ARMC3: variants seen among roughly 807,000 people sequenced by gnomAD.
ARMC3 encodes the protein armadillo repeat containing 3, also known as armadillo repeat-containing protein 3.
ARMC3 carries 74 observed loss-of-function variants against 90.3 expected under a neutral mutation model. That is an observed-to-expected ratio of 0.82 (90% CI 0.68 to 0.99). ARMC3 has a LOEUF of 0.99. Among genes scored for constraint, ARMC3 ranks in the 50% least tolerant of loss-of-function variants. ARMC3 has a pLI of 0.00. For missense variants in ARMC3, 958 were observed against 1,042.8 expected (o/e 0.92, Z 1.12); for synonymous variants, 334 against 361.8 (o/e 0.92, Z 0.87).
intron 2 of ARMC3, among the ~76,000 whole-genome samples, chr10:22,932,951 CGTT>C (rs1318424369): frequency 3.3e-5 from 5 of 152,316 alleles, no homozygotes; most frequent in African/African-American, 1.2e-4. Flanking sequence ...AACTCGTTCC[CGTT>C]GTTGTATGAA....
chr10:22,989,836 A>T (rs562887086), intron 10 of ARMC3, among the ~76,000 whole-genome samples: 2 of 152,318 alleles, frequency 1.3e-5, no homozygotes, highest in East Asian at 3.9e-4. Context: ...CATTGGTTAT[A>T]CTGGATTGGA....
chr10:22,947,459 T>C (rs2131193715), intron 3 of ARMC3, among the ~76,000 whole-genome samples: 1 of 152,352 alleles, frequency 6.6e-6, no homozygotes, highest in African/African-American at 2.4e-5. Context: ...CCCAGTTTAA[T>C]AATGATTTTT....
At chr10:22,984,910 T>C (rs1449832800) in intron 10 of ARMC3, among the ~76,000 whole-genome samples, 2 of 152,070 alleles carry the variant, frequency 1.3e-5, no homozygotes, top group Admixed American at 1.3e-4. Flanking sequence ...TGTCACTTTA[T>C]TGCCCAGGCT....
Position 22,968,483 on chromosome 10 carries a change from T to C in ARMC3, c.910T>C (p.Tyr304His), listed in dbSNP as rs1564360848. The C allele has an allele frequency of 1.9e-6, 3 of 1,574,856 alleles. No homozygotes were observed. The highest frequency in any genetic ancestry group is 8.6e-7 in the Non-Finnish European group (1 of 1,164,922). The change falls in exon 8 of 19, where the codon TAT becomes CAT. Residue 304 changes from tyrosine to histidine, a missense_variant. Tyr to His is a moderately conservative substitution (Grantham distance 83). Transcript: ENST00000298032. ...NAAKAITKAAYDPENRKLFHE... is the reference protein window; with the variant it reads ...NAAKAITKAAHDPENRKLFHE... ...AGCAAAAGCCATTACTAAAGCAGCT[T>C]ATGATCGTATGTCTCATTTTATTTT...
chr10:22,970,618 C>G (rs1835640379), intron 8 of ARMC3, among the ~76,000 whole-genome samples: 1 of 152,194 alleles, frequency 6.6e-6, no homozygotes. Context: ...CTGTAGTAAT[C>G]TAGGTGAGAT....
At chr10:22,935,985 T>C (rs1167201883) in intron 2 of ARMC3, among the ~76,000 whole-genome samples, 1 of 152,148 alleles carries the variant, frequency 6.6e-6, no homozygotes, top group Admixed American at 6.5e-5. Flanking sequence ...CATATTGAAA[T>C]AGAAATTGTG....
intron 16 of ARMC3, chr10:23,014,212 T>A: frequency 6.5e-7 from 1 of 1,538,106 alleles, no homozygotes; most frequent in Non-Finnish European, 8.8e-7. Context: ...CTTGGTCTTC[T>A]GAATTGTAAA....
intron 16 of ARMC3, among the ~76,000 whole-genome samples, chr10:23,013,522 T>A (rs1838120870): frequency 6.6e-6 from 1 of 152,250 alleles, no homozygotes; most frequent in Non-Finnish European, 1.5e-5. Context: ...ACATGATGTT[T>A]TGATATCTGT....
chr10:22,930,997 G>A (rs944997809), intron 1 of ARMC3, among the ~76,000 whole-genome samples: 1 of 151,706 alleles, frequency 6.6e-6, no homozygotes, highest in African/African-American at 2.4e-5. Flanking sequence ...GTGCGATCTC[G>A]GCTCACTGCA....
At chr10:22,969,475 T>A (rs1835587598) in intron 8 of ARMC3, among the ~76,000 whole-genome samples, 1 of 152,184 alleles carries the variant, frequency 6.6e-6, no homozygotes, top group South Asian at 2.1e-4. Flanking sequence ...AAACACTCCA[T>A]TTTCAGCACA....
At position 22,928,739 on chromosome 10, in the gene ARMC3, A is replaced by G. The variant is rs187886340; in HGVS notation, c.-2+633A>G. 1.7e-3 allele frequency among the ~76,000 whole-genome samples: 264 copies of G among 151,694 alleles called. 1 individual carries two copies. The highest frequency in any genetic ancestry group is 2.8e-3 in the Non-Finnish European group (192 of 68,040). On this transcript the variant is annotated intron_variant, in intron 1 of 18. Coordinates refer to ENST00000298032, the MANE Select transcript of ARMC3 (RefSeq NM_173081.5). ...AAATTTCAACAATCAGAGACTGGCT[A>G]GATAGCTAAGGGATTTTAAAATATT... is the stretch of plus-strand genomic sequence containing the variant.
At chr10:22,970,463 A>G (rs2131298678) in intron 8 of ARMC3, among the ~76,000 whole-genome samples, 1 of 152,306 alleles carries the variant, frequency 6.6e-6, no homozygotes, top group South Asian at 2.1e-4. Context: ...ACTTTATTTT[A>G]ATGGCAACAA....
chr10:23,003,516 A>G, intron 13 of ARMC3, 102 bp downstream of exon 13: 1 of 995,524 alleles, frequency 1.0e-6, no homozygotes, highest in Non-Finnish European at 1.4e-6. Context: ...AATGTAATTT[A>G]TATTTTTACA....
intron 3 of ARMC3, among the ~76,000 whole-genome samples, chr10:22,947,982 T>C (rs1834604558): frequency 6.6e-6 from 1 of 152,196 alleles, no homozygotes; most frequent in Non-Finnish European, 1.5e-5. Flanking sequence ...ATTAATTTAA[T>C]TGAGAGTTTA....
chr10:22,962,536 C>T (rs1364454316), intron 7 of ARMC3, among the ~76,000 whole-genome samples: 1 of 152,150 alleles, frequency 6.6e-6, no homozygotes, highest in Non-Finnish European at 1.5e-5. Flanking sequence ...TATTGAAAAC[C>T]GTTTAATTGA....
At chr10:22,961,767 T>C (rs1835204197) in intron 6 of ARMC3, 117 bp from the exon 7 acceptor site, 1 of 813,910 alleles carries the variant, frequency 1.2e-6, no homozygotes, top group Non-Finnish European at 1.9e-6. Context: ...GAAGGGAATC[T>C]GGAATAAAAG....
Position 22,975,729 on chromosome 10 carries a change from GTC to G in ARMC3, c.917-5608_917-5607del, listed in dbSNP as rs567018886. Reference sequence around the variant, plus strand: ...ATATGTCTAAGTCCCCCTCTCCACTGTCTCCACTACACAGGCAAGCCTTTTGA... The same window carrying G: ...ATATGTCTAAGTCCCCCTCTCCACTGTCCACTACACAGGCAAGCCTTTTGA... On this transcript the variant is annotated intron_variant, in intron 8 of 18. Transcript: ENST00000298032. 3.2e-4 allele frequency among the ~76,000 whole-genome samples: 48 copies of G among 152,168 alleles called. No individual in the cohort carries two copies. The South Asian group carries it at 9.7e-3, about 31-fold the overall frequency.
In ARMC3 at chr10:22,962,425, A is replaced by T. The variant is rs78443044; in HGVS notation, c.732+347A>T. On this transcript the variant is annotated intron_variant, in intron 7 of 18. Transcript: ENST00000298032. ...TCTAGATACCTTTTAATAATATTGGAGCTAAATGTCCATAGTTGCTAATAA... is the reference window on the plus strand; with the variant it reads ...TCTAGATACCTTTTAATAATATTGGTGCTAAATGTCCATAGTTGCTAATAA... 7.2e-5 allele frequency among the ~76,000 whole-genome samples: 11 copies of T among 152,268 alleles called. No homozygotes were observed. The East Asian group carries it at 2.1e-3, about 29-fold the overall frequency.
At chr10:22,942,660 A>T (rs1327764020) in intron 2 of ARMC3, among the ~76,000 whole-genome samples, 1 of 152,206 alleles carries the variant, frequency 6.6e-6, no homozygotes, top group African/African-American at 2.4e-5. Context: ...GATAAAAACC[A>T]CTTTGGAAAA....
Sources: allele counts gnomAD v4.1 joint callset (sites outside exome capture counted in the v4.1 genomes callset), GRCh38; gene constraint gnomAD v4.1.1; transcripts MANE v1.5; gene names NCBI Gene and HGNC (gene_info 2026-07-23, HGNC 2026-07-21).